ACLY: variants seen among roughly 807,000 people sequenced by gnomAD.
The protein encoded by ACLY is ATP-citrate synthase.
ACLY carries 41 observed loss-of-function variants against 133.0 expected under a neutral mutation model. That is an observed-to-expected ratio of 0.31 (90% CI 0.24 to 0.40). The LOEUF is 0.40. Ranked by LOEUF, ACLY falls within the 10% of genes least tolerant of loss-of-function variation. The probability of loss-of-function intolerance (pLI) is 1.00; values close to 1 mark genes in which losing one functional copy is unlikely to be tolerated. For missense variants in ACLY, 1,046 were observed against 1,453.8 expected (o/e 0.72, Z 4.56); for synonymous variants, 495 against 549.3 (o/e 0.90, Z 1.38).
chr17:41,928,415 T>C (rs1318126687), intron 1 of ACLY, among the ~76,000 whole-genome samples: 1 of 152,206 alleles, frequency 6.6e-6, no homozygotes, highest in Non-Finnish European at 1.5e-5. Context: ...CTAATACCAT[T>C]ACCGTAGCTT....
chr17:41,887,143 AAAAAAAAAAAAAAG>A (rs1555628347), intron 17 of ACLY, among the ~76,000 whole-genome samples: 2 of 45,146 alleles, frequency 4.4e-5, no homozygotes, highest in Non-Finnish European at 6.1e-5. Context: ...AAAAAAAAAA[AAAAAAAAAAAAAAG>A]GCCAAACACG....
intron 18 of ACLY, among the ~76,000 whole-genome samples, chr17:41,885,137 C>T (rs1555627935): frequency 6.6e-6 from 1 of 152,142 alleles, no homozygotes; most frequent in African/African-American, 2.4e-5. Flanking sequence ...CCCTCAGCCC[C>T]CCAAAGTGCT....
At position 41,910,863 on chromosome 17, in the gene ACLY, C is replaced by T. The variant is rs181137702; in HGVS notation, c.283-579G>A. On this transcript the variant is annotated intron_variant, in intron 3 of 28. Transcript: ENST00000352035. Reference sequence around the variant, plus strand: ...TCATCCTAGTAAGTCCCAAAACCCCCGCCTGGCCTGTGCGTCACTGCTGAG... The same window carrying T: ...TCATCCTAGTAAGTCCCAAAACCCCTGCCTGGCCTGTGCGTCACTGCTGAG... Among the ~76,000 whole-genome samples, 11 of 152,322 alleles carry T rather than the reference C, an allele frequency of 7.2e-5. No individual in the cohort carries two copies. In the East Asian group the frequency reaches 1.9e-3, roughly 27 times the overall value.
intron 18 of ACLY, among the ~76,000 whole-genome samples, chr17:41,885,387 G>C (rs575183128): frequency 6.6e-6 from 1 of 152,154 alleles, no homozygotes; most frequent in Non-Finnish European, 1.5e-5. Context: ...AGACGAACAA[G>C]GTGACTCTAT....
chr17:41,905,435 G>C, intron 9 of ACLY, 87 bp downstream of exon 9: 1 of 1,556,064 alleles, frequency 6.4e-7, no homozygotes, highest in South Asian at 1.1e-5. Context: ...CAGCCTTGGT[G>C]ACTCCTCAGA....
chr17:41,915,704 C>T (rs1482151365), intron 1 of ACLY, among the ~76,000 whole-genome samples: 2 of 152,192 alleles, frequency 1.3e-5, no homozygotes, highest in African/African-American at 4.8e-5. Context: ...AACCACCTCA[C>T]TGCCCCACGG....
chr17:41,888,268 CCA>C (rs1436225645), intron 16 of ACLY, among the ~76,000 whole-genome samples: 4 of 152,232 alleles, frequency 2.6e-5, no homozygotes, highest in Non-Finnish European at 5.9e-5. Context: ...CTAGCTAACA[CCA>C]CAGTGATCCA....
At chr17:41,921,970 C>T (rs1046648265), upstream of ACLY, among the ~76,000 whole-genome samples, 6 of 151,720 alleles carry the variant, frequency 4.0e-5, no homozygotes, top group Non-Finnish European at 5.9e-5. Context: ...CTGAGGCAGG[C>T]AGATCACTTG....
intron 7 of ACLY, 37 bp from the exon 8 acceptor site, chr17:41,906,683 A>G: frequency 1.9e-6 from 3 of 1,581,294 alleles, no homozygotes; most frequent in Non-Finnish European, 1.7e-6. Context: ...CCCTTGGGGT[A>G]CCCCCTTTAC....
Position 41,893,082 on chromosome 17 carries a change from C to T in ACLY, c.1552G>A (p.Val518Ile), listed in dbSNP as rs1251354918. The T allele has an allele frequency of 6.2e-7, 1 of 1,614,058 alleles. No homozygotes were observed. Among genetic ancestry groups the T allele is most frequent in the African/African-American group, 1.3e-5 (1 of 74,918 alleles). ...AVQGMLDFDY[V>I]CSRDEPSVAA... ...ACTGAGGGCTCGTCTCGGGAGCAGA[C>T]ATAGTCAAAGTCCAGCATGCCTTGC... Residue 518 changes from valine to isoleucine, a missense_variant, in exon 15 of 29, where the codon GTC becomes ATC. Physicochemically the swap from Val to Ile is conservative, Grantham distance 29. This residue lies in a region of ACLY where 575 missense variants were observed against 804.2 expected (regional missense o/e 0.71). Coordinates refer to ENST00000352035, the MANE Select transcript of ACLY (RefSeq NM_001096.3).
Position 41,906,564 on chromosome 17 carries a change from G to A in ACLY, c.830C>T (p.Thr277Ile). 1 of 1,614,152 alleles carries A rather than the reference G, an allele frequency of 6.2e-7. No individual in the cohort carries two copies. The change falls in exon 8 of 29, where the codon ACC becomes ATC. Residue 277 changes from threonine (T) to isoleucine (I), a missense_variant. Thr to Ile is a moderately conservative substitution (Grantham distance 89). This residue lies in a region of ACLY where 575 missense variants were observed against 804.2 expected (regional missense o/e 0.71). Coordinates refer to ENST00000352035, the MANE Select transcript of ACLY (RefSeq NM_001096.3). ...AGAGGCGCCACCCCCGGCCACCATG[G>A]TCCAGATCCTCCCTTTGGGGTTCAG... Reference protein sequence around the residue: ...TLLNPKGRIWTMVAGGGASVV... With the variant: ...TLLNPKGRIWIMVAGGGASVV...
At chr17:41,929,865 C>CGTGTGTGTGTGT (rs34705137) in intron 1 of ACLY, among the ~76,000 whole-genome samples, 28 of 150,064 alleles carry the variant, frequency 1.9e-4, no homozygotes, top group Non-Finnish European at 4.5e-5. Flanking sequence ...ACATGTATGC[C>CGTGTGTGTGTGT]GTGTGTGTGT....
At position 41,879,647 on chromosome 17, in the gene ACLY, C is replaced by CAAAAAAAAAAAAAAAAAAAAAAAA. The variant is rs558056100; in HGVS notation, c.2266-747_2266-724dup. Among the ~76,000 whole-genome samples, 5 of 34,230 alleles carry CAAAAAAAAAAAAAAAAAAAAAAAA rather than the reference C, an allele frequency of 1.5e-4. 1 individual carries two copies. Among genetic ancestry groups the CAAAAAAAAAAAAAAAAAAAAAAAA allele is most frequent in the Non-Finnish European group, 1.3e-4 (3 of 22,408 alleles). 22.5% of individuals were successfully genotyped at this position (34,230 alleles called of 152,430 possible). A position where few individuals can be genotyped will look rare whatever the true frequency, so the allele number is the denominator to read the frequency against. ...GGGTGATAAGAGCAAGACTCCGTCT[C>CAAAAAAAAAAAAAAAAAAAAAAAA]AAAAAAAAAAAAAAAAAAAAAAAAA... On this transcript the variant is annotated intron_variant, in intron 20 of 28. Coordinates refer to ENST00000352035, the MANE Select transcript of ACLY (RefSeq NM_001096.3).
intron 23 of ACLY, among the ~76,000 whole-genome samples, chr17:41,872,698 G>A (rs2048627943): frequency 6.6e-6 from 1 of 152,172 alleles, no homozygotes; most frequent in Non-Finnish European, 1.5e-5. Context: ...GTGATTTTCA[G>A]CATGAGTTGC....
intron 4 of ACLY, 29 bp downstream of exon 4, chr17:41,910,193 G>C: frequency 6.2e-7 from 1 of 1,607,496 alleles, no homozygotes. Flanking sequence ...GGAGGGAGAA[G>C]ACCCAGCCTG....
chr17:41,895,741 T>C (rs1394737079), intron 14 of ACLY, among the ~76,000 whole-genome samples: 1 of 152,182 alleles, frequency 6.6e-6, no homozygotes, highest in African/African-American at 2.4e-5. Flanking sequence ...ACATCAGGAT[T>C]AAAGCCAGGT....
Position 41,872,110 on chromosome 17 carries a change from A to G in ACLY, c.2715T>C (p.Ser905=). ...CACAAATGATGGTGTTGTGGGCTCCAGAGACGGCTGGCCCGTGATCAGCTG... is the reference window on the plus strand; with the variant it reads ...CACAAATGATGGTGTTGTGGGCTCCGGAGACGGCTGGCCCGTGATCAGCTG... The part of the protein sequence containing the change: ...MVTADHGPAV[S]GAHNTIICAR... Residue 905 remains serine (S), a synonymous_variant, in exon 24 of 29, where the codon TCT becomes TCC. Transcript: ENST00000352035. 2 of 1,614,160 alleles carry G rather than the reference A, an allele frequency of 1.2e-6. No homozygotes were observed. The highest frequency in any genetic ancestry group is 1.7e-6 in the Non-Finnish European group (2 of 1,180,028).
chr17:41,875,656 C>T (rs1430206177), intron 22 of ACLY, among the ~76,000 whole-genome samples: 5 of 152,222 alleles, frequency 3.3e-5, no homozygotes, highest in African/African-American at 9.7e-5. Flanking sequence ...GTTGGCTGGG[C>T]TGGTCTCCAG....
chr17:41,925,869 G>C (rs2050237511), intron 1 of ACLY, among the ~76,000 whole-genome samples: 1 of 151,298 alleles, frequency 6.6e-6, no homozygotes, highest in East Asian at 1.9e-4. Flanking sequence ...TTTTGAGAGA[G>C]AGTCTTGCTC....
Sources: allele counts gnomAD v4.1 joint callset (sites outside exome capture counted in the v4.1 genomes callset), GRCh38; gene constraint gnomAD v4.1.1; regional missense constraint gnomAD v4.1.1; transcripts MANE v1.5; gene names NCBI Gene and HGNC (gene_info 2026-07-23, HGNC 2026-07-21).